MVB12B: variants seen among roughly 807,000 people sequenced by gnomAD.
The protein encoded by MVB12B is ESCRT-I complex subunit MVB12B.
Under a neutral mutation model 41.6 loss-of-function variants are expected in MVB12B, and 16 were observed. The ratio of observed to expected loss-of-function variants is 0.38; its 90% CI spans 0.26 to 0.58. MVB12B has a LOEUF of 0.58. MVB12B is among the 20% of genes least tolerant of loss of function. The probability of loss-of-function intolerance (pLI) is 0.62; values close to 1 mark genes in which losing one functional copy is unlikely to be tolerated. For missense variants in MVB12B, 274 were observed against 380.2 expected, an observed-to-expected ratio of 0.72 and a Z score of 2.32; for synonymous variants, 133 against 139.7, an observed-to-expected ratio of 0.95 and a Z score of 0.34.
At chr9:126,370,885 A>C (rs1318484510) in intron 2 of MVB12B, among the ~76,000 whole-genome samples, 1 of 152,132 alleles carries the variant, frequency 6.6e-6, no homozygotes, top group Non-Finnish European at 1.5e-5. Context: ...ATGGTTTTGT[A>C]CATGTCCATC....
chr9:126,501,463 A>G (rs1464271666), intron 9 of MVB12B, among the ~76,000 whole-genome samples: 1 of 152,184 alleles, frequency 6.6e-6, no homozygotes, highest in African/African-American at 2.4e-5. Context: ...TGGGGGCCAC[A>G]TGTCTGCTCA....
At position 126,376,481 on chromosome 9, in the gene MVB12B, G is replaced by T. The variant is rs891503546; in HGVS notation, c.205-4583G>T. 2 of 1,286,368 alleles carry T rather than the reference G, an allele frequency of 1.6e-6. No homozygotes were observed. Among genetic ancestry groups the T allele is most frequent in the Non-Finnish European group, 2.0e-6 (2 of 986,612 alleles). 79.7% of individuals were successfully genotyped at this position (1,286,368 alleles called of 1,614,324 possible). Reference sequence around the variant, plus strand: ...CAGCTCATGGGCTGGAGCCCTGTGGGTGGGGGGCCTGCTGGCTGGTGTGCT... The same window carrying T: ...CAGCTCATGGGCTGGAGCCCTGTGGTTGGGGGGCCTGCTGGCTGGTGTGCT... On this transcript the variant is annotated intron_variant, in intron 2 of 9. Transcript: ENST00000361171. The surrounding 1 kb of genome is among the most constrained non-coding windows in gnomAD (Gnocchi z 4.1).
At chr9:126,351,263 A>G (rs931587358) in intron 2 of MVB12B, among the ~76,000 whole-genome samples, 4 of 152,138 alleles carry the variant, frequency 2.6e-5, no homozygotes, top group African/African-American at 7.2e-5. Flanking sequence ...TGCACTCACT[A>G]TTAGTTCTAG....
At chr9:126,414,684 G>C (rs1275828357) in intron 6 of MVB12B, among the ~76,000 whole-genome samples, 3 of 152,008 alleles carry the variant, frequency 2.0e-5, no homozygotes, top group African/African-American at 7.2e-5. Context: ...GTCTGCTGGG[G>C]AGCTTTATGA....
intron 9 of MVB12B, 55 bp downstream of exon 9, chr9:126,484,087 G>C: frequency 6.5e-7 from 1 of 1,535,908 alleles, no homozygotes; most frequent in Non-Finnish European, 9.0e-7. Context: ...CCTGCACACC[G>C]GCGTCTCTCG....
At chr9:126,360,068 A>G (rs1486000088) in intron 2 of MVB12B, among the ~76,000 whole-genome samples, 1 of 152,174 alleles carries the variant, frequency 6.6e-6, no homozygotes, top group African/African-American at 2.4e-5. Context: ...AATGCTATGA[A>G]TTTCCCTCCA....
rs540908469 is a variant in MVB12B, at chr9:126,391,111, G to A, written c.410-955G>A. 5.9e-5 allele frequency among the ~76,000 whole-genome samples: 9 copies of A among 152,310 alleles called. No individual in the cohort carries two copies. The highest frequency in any genetic ancestry group is 1.2e-4 in the Non-Finnish European group (8 of 68,028). On this transcript the variant is annotated intron_variant, in intron 4 of 9. Coordinates refer to ENST00000361171, the MANE Select transcript of MVB12B (RefSeq NM_033446.3). This position sits in a 1 kb window ranked among gnomAD's most constrained non-coding sequence, Gnocchi z 4.4. ...TGTGTGACCGAGGTCCTGGGCCGACGCCAGCAGAGCTCAGCAAGAATGGCC... is the reference window on the plus strand; with the variant it reads ...TGTGTGACCGAGGTCCTGGGCCGACACCAGCAGAGCTCAGCAAGAATGGCC...
In MVB12B at chr9:126,359,086, G is replaced by A. The variant is rs149571461; in HGVS notation, c.204+18456G>A. ...ATTTTTTTTTTTTTTATGGAGACAG[G>A]GTCTCACTCTGTTGCCCAGGCTGGT... On this transcript the variant is annotated intron_variant, in intron 2 of 9. Coordinates refer to ENST00000361171, the MANE Select transcript of MVB12B (RefSeq NM_033446.3). Among the ~76,000 whole-genome samples, 7 of 150,912 alleles carry A rather than the reference G, an allele frequency of 4.6e-5. No individual in the cohort carries two copies. The East Asian group carries it at 1.4e-3, about 29-fold the overall frequency.
At chr9:126,358,076 T>C (rs1829930877) in intron 2 of MVB12B, among the ~76,000 whole-genome samples, 1 of 152,182 alleles carries the variant, frequency 6.6e-6, no homozygotes, top group South Asian at 2.1e-4. Context: ...TTAAAAATCA[T>C]CTGTTCTTCA....
At chr9:126,431,267 T>C (rs1832323439) in intron 7 of MVB12B, among the ~76,000 whole-genome samples, 1 of 152,224 alleles carries the variant, frequency 6.6e-6, no homozygotes, top group South Asian at 2.1e-4. Flanking sequence ...CTGTCACGCA[T>C]CACCACTTAG....
At chr9:126,492,024 C>G (rs1564350639) in intron 9 of MVB12B, among the ~76,000 whole-genome samples, 1 of 151,606 alleles carries the variant, frequency 6.6e-6, no homozygotes, top group Non-Finnish European at 1.5e-5. Context: ...TTAGTGTTTC[C>G]TGAGTACCAA....
rs111967254 is a variant in MVB12B, at chr9:126,459,197, T to C, written c.758-22172T>C. Among the ~76,000 whole-genome samples the C allele has an allele frequency of 6.6e-6, 1 of 152,362 alleles. No individual in the cohort carries two copies. Among genetic ancestry groups the C allele is most frequent in the African/African-American group, 2.4e-5 (1 of 41,594 alleles). On this transcript the variant is annotated intron_variant, in intron 7 of 9. Coordinates refer to ENST00000361171, the MANE Select transcript of MVB12B (RefSeq NM_033446.3). The surrounding 1 kb of genome is among the most constrained non-coding windows in gnomAD (Gnocchi z 4.3). ...CCTGGCTGTGCTTTGGCACTGGTAT[T>C]TCTTGATGCCTTGTCGTAAACTCAG...
intron 7 of MVB12B, among the ~76,000 whole-genome samples, chr9:126,424,634 C>T (rs904751693): frequency 3.3e-5 from 5 of 152,236 alleles, no homozygotes; most frequent in African/African-American, 1.2e-4. Flanking sequence ...CAATTTGAGA[C>T]ACTGTGCATT....
At chr9:126,449,007 A>G (rs1454562233) in intron 7 of MVB12B, among the ~76,000 whole-genome samples, 1 of 152,204 alleles carries the variant, frequency 6.6e-6, no homozygotes. Flanking sequence ...CGTGGCATAG[A>G]AGGAAGGGCA....
intron 7 of MVB12B, among the ~76,000 whole-genome samples, chr9:126,444,214 C>T (rs1468967681): frequency 6.6e-6 from 1 of 152,144 alleles, no homozygotes; most frequent in Non-Finnish European, 1.5e-5. Context: ...AAAAGTTATA[C>T]TTCGGTGAAT....
At chr9:126,379,454 C>T (rs577172679) in intron 2 of MVB12B, among the ~76,000 whole-genome samples, 47 of 152,260 alleles carry the variant, frequency 3.1e-4, no homozygotes, top group Middle Eastern at 3.4e-3. Flanking sequence ...TCCCTAGAAA[C>T]TCTATGTGTG....
At chr9:126,394,069 C>A (rs1831035241) in intron 5 of MVB12B, among the ~76,000 whole-genome samples, 1 of 152,190 alleles carries the variant, frequency 6.6e-6, no homozygotes, top group African/African-American at 2.4e-5. Flanking sequence ...TGCTCTGTGT[C>A]AAGATCATGT....
At position 126,386,785 on chromosome 9, in the gene MVB12B, C is replaced by A; in HGVS notation, c.409+127C>A. On this transcript the variant is annotated intron_variant, in intron 4 of 9. Coordinates refer to ENST00000361171, the MANE Select transcript of MVB12B (RefSeq NM_033446.3). This position sits in a 1 kb window ranked among gnomAD's most constrained non-coding sequence, Gnocchi z 4.3. ...GGAGGCCTTACTACATGCCCATGAA[C>A]AAACCCTGCTGCTTTTGATGTGTGT... is the stretch of plus-strand genomic sequence containing the variant. 1.5e-6 allele frequency: 1 copy of A among 666,108 alleles called. No individual in the cohort carries two copies. Among genetic ancestry groups the A allele is most frequent in the South Asian group, 1.8e-5 (1 of 56,604 alleles). The allele number at this position is 666,108 out of a possible 1,614,324, so 41.3% of individuals were successfully genotyped here.
rs741029 is a variant in MVB12B, at chr9:126,412,196, T to C, written c.663-9658T>C. ...CTCTGTGACTCCCGCACCCTGCTTG[T>C]GCCAGGTGTTTTATAAGAGCCTTTT... is the stretch of plus-strand genomic sequence containing the variant. On this transcript the variant is annotated intron_variant, in intron 6 of 9. Transcript: ENST00000361171. 3.2e-3 allele frequency among the ~76,000 whole-genome samples: 494 copies of C among 152,318 alleles called. 2 individuals are homozygous for C. Among genetic ancestry groups the C allele is most frequent in the African/African-American group, 0.011 (463 of 41,562 alleles).
Sources: gnomAD v4.1 joint callset for allele counts (sites outside exome capture counted in the v4.1 genomes callset) on GRCh38, gnomAD v4.1.1 for gene constraint, Gnocchi (gnomAD v3.1) non-coding constraint, MANE v1.5 for transcripts, NCBI Gene and HGNC (gene_info 2026-07-23, HGNC 2026-07-21) for gene names.